Variants in ATG4B observed in about 807,000 individuals in gnomAD.
The protein encoded by ATG4B is autophagy related 4B cysteine peptidase, also known as cysteine protease ATG4B.
In ATG4B, 29 loss-of-function variants were observed where a neutral mutation model predicts 56.6. The ratio of observed to expected loss-of-function variants is 0.51; its 90% CI spans 0.38 to 0.70. The LOEUF (loss-of-function observed/expected upper bound fraction) is 0.70, where lower values mean the gene tolerates loss of function less well. Ranked by LOEUF, ATG4B falls within the 30% of genes least tolerant of loss-of-function variation. The pLI, the probability that ATG4B is intolerant of heterozygous loss-of-function variation, is 0.00. For missense variants in ATG4B, 461 were observed against 515.5 expected (o/e 0.89, Z 1.02); for synonymous variants, 224 against 206.1 (o/e 1.09, Z -0.74).
chr2:241,651,293 T>G lies in ATG4B; in HGVS notation c.142T>G (p.Ser48Ala). Residue 48 changes from serine to alanine, a missense_variant, in exon 3 of 13, where the codon TCT (serine) becomes GCT (alanine). Physicochemically the swap from Ser to Ala is moderately conservative, Grantham distance 99. Transcript: ENST00000404914. This position sits in a 1 kb window ranked among gnomAD's most constrained non-coding sequence, Gnocchi z 4.1. ...GGACGAGATCTTGTCTGATGTGGCA[T>G]CTAGACTTTGGTTTACATACAGGAA... The part of the protein sequence containing the change: ...EKDEILSDVA[S>A]RLWFTYRKNF... 1 of 1,603,490 alleles carries G rather than the reference T, an allele frequency of 6.2e-7. No homozygotes were observed. Among genetic ancestry groups the G allele is most frequent in the Non-Finnish European group, 8.5e-7 (1 of 1,174,534 alleles).
chr2:241,659,373 A>G (rs2068519767), intron 7 of ATG4B, 186 bp downstream of exon 7: 1 of 675,386 alleles, frequency 1.5e-6, no homozygotes, highest in African/African-American at 1.8e-5. Flanking sequence ...CCCGGCGGTC[A>G]TACCAAGAGA....
intron 5 of ATG4B, 97 bp downstream of exon 5, chr2:241,654,744 T>A: frequency 1.0e-6 from 1 of 972,782 alleles, no homozygotes; most frequent in Non-Finnish European, 1.6e-6. Flanking sequence ...TCGTGGGATG[T>A]GGAGCAGGAG....
At chr2:241,670,592 A>T (rs1258783571) in intron 10 of ATG4B, 134 bp from the exon 11 acceptor site, 2 of 856,744 alleles carry the variant, frequency 2.3e-6, no homozygotes, top group Non-Finnish European at 3.8e-6. Flanking sequence ...ACAGGAGCCA[A>T]GGCAGGCTGG....
chr2:241,650,767 G>A (rs532584009), intron 1 of ATG4B, among the ~76,000 whole-genome samples: 14 of 151,960 alleles, frequency 9.2e-5, no homozygotes, highest in African/African-American at 3.4e-4. Context: ...TAGCATGCTG[G>A]CCCCACCTCC....
intron 7 of ATG4B, 49 bp from the exon 8 acceptor site, chr2:241,666,596 A>G: frequency 1.3e-6 from 2 of 1,585,936 alleles, no homozygotes; most frequent in Non-Finnish European, 1.7e-6. Context: ...TTGTGGGAGC[A>G]CTTTTGCACA....
intron 7 of ATG4B, among the ~76,000 whole-genome samples, chr2:241,664,896 G>A (rs908641837): frequency 1.6e-4 from 24 of 152,150 alleles, no homozygotes; most frequent in Admixed American, 5.9e-4. Flanking sequence ...CCCAGAAGGC[G>A]GAGGTTGCAG....
rs1167237922 is a variant in ATG4B at position 241,638,722 on chromosome 2, A to G, written c.10+998A>G. ...GCCAATATCTATTAAAATGATTTGT[A>G]GCAGCTCACCACTTAAATGTGGTAG... On this transcript the variant is annotated intron_variant, in intron 1 of 12. Coordinates refer to ENST00000404914, the MANE Select transcript of ATG4B (RefSeq NM_013325.5). 3.9e-5 allele frequency among the ~76,000 whole-genome samples: 6 copies of G among 152,350 alleles called. No individual in the cohort carries two copies. In the East Asian group the frequency reaches 7.7e-4, roughly 20 times the overall value.
chr2:241,658,167 C>G (rs1166146601), intron 6 of ATG4B, among the ~76,000 whole-genome samples: 2 of 152,180 alleles, frequency 1.3e-5, no homozygotes, highest in Non-Finnish European at 2.9e-5. Context: ...CTGCTGTGTC[C>G]CTTGTGTGTG....
intron 1 of ATG4B, among the ~76,000 whole-genome samples, chr2:241,642,260 A>G (rs894842380): frequency 4.6e-5 from 7 of 151,684 alleles, no homozygotes; most frequent in African/African-American, 4.8e-5. Context: ...AATGTGCGCA[A>G]TCTGCCCAGT....
intron 7 of ATG4B, 77 bp from the exon 8 acceptor site, chr2:241,666,568 T>C (rs1050950803): frequency 6.9e-6 from 10 of 1,454,572 alleles, no homozygotes; most frequent in Admixed American, 3.8e-5. Context: ...TGTTACACAG[T>C]CATCATTTGC....
At chr2:241,659,668 C>T (rs368562761) in intron 7 of ATG4B, 136 of 282,212 alleles carry the variant, frequency 4.8e-4, no homozygotes, top group African/African-American at 2.8e-3. Context: ...ACATTTACAT[C>T]TAGGAGGAAA....
intron 10 of ATG4B, 30 bp from the exon 11 acceptor site, chr2:241,670,696 C>T (rs372026345): frequency 7.4e-5 from 118 of 1,593,096 alleles, no homozygotes; most frequent in African/African-American, 6.3e-4. Flanking sequence ...ATGGGGGTGT[C>T]GTGTTCTGCT....
intron 7 of ATG4B, among the ~76,000 whole-genome samples, chr2:241,664,647 T>C (rs1438620437): frequency 1.3e-5 from 2 of 152,044 alleles, no homozygotes; most frequent in Non-Finnish European, 2.9e-5. Flanking sequence ...GAGACCAACC[T>C]GGACAACTCC....
chr2:241,638,488 C>T (rs1379712691), intron 1 of ATG4B: 3 of 152,072 alleles, frequency 2.0e-5, no homozygotes, highest in Admixed American at 6.5e-5. Context: ...AGCCCAGTAG[C>T]CCTAGAAATA....
intron 4 of ATG4B, 101 bp downstream of exon 4, chr2:241,653,711 G>A: frequency 9.9e-7 from 1 of 1,009,200 alleles, no homozygotes; most frequent in Non-Finnish European, 1.4e-6. Context: ...AGGTAAAACA[G>A]TAAGTAGAAC....
intron 1 of ATG4B, among the ~76,000 whole-genome samples, chr2:241,642,832 AAG>A (rs2067935973): frequency 9.8e-6 from 1 of 101,830 alleles, no homozygotes; most frequent in South Asian, 5.3e-4. Context: ...AACTGCTTCT[AAG>A]GGGGACTCTT....
Position 241,668,593 on chromosome 2 carries a change from A to G in ATG4B, c.865A>G (p.Thr289Ala), listed in dbSNP as rs2068853946. Residue 289 changes from threonine to alanine, a missense_variant, in exon 10 of 13, where the codon ACT becomes GCT. Thr to Ala is a moderately conservative substitution (Grantham distance 58, BLOSUM62 0). Transcript: ENST00000404914. This position sits in a 1 kb window ranked among gnomAD's most constrained non-coding sequence, Gnocchi z 4.2. ...CACCACGCAGCCAGCCGTGGAGCCC[A>G]CTGATGGCTGCTTCATCCCGGACGA... ...PHTTQPAVEP[T>A]DGCFIPDESF... The G allele has an allele frequency of 1.9e-6, 3 of 1,605,690 alleles. No homozygotes were observed. Among genetic ancestry groups the G allele is most frequent in the Non-Finnish European group, 2.5e-6 (3 of 1,177,120 alleles).
At chr2:241,645,671 C>T (rs1396135865) in intron 1 of ATG4B, among the ~76,000 whole-genome samples, 1 of 152,194 alleles carries the variant, frequency 6.6e-6, no homozygotes, top group African/African-American at 2.4e-5. Context: ...CCACAGCTGG[C>T]GCTCCAGCTG....
At chr2:241,657,587 G>A (rs1428441384) in intron 6 of ATG4B, among the ~76,000 whole-genome samples, 1 of 152,220 alleles carries the variant, frequency 6.6e-6, no homozygotes, top group African/African-American at 2.4e-5. Context: ...ACAGGCATGA[G>A]CCACCGCTCC....
Sources: allele counts gnomAD v4.1 joint callset (sites outside exome capture counted in the v4.1 genomes callset), GRCh38; gene constraint gnomAD v4.1.1; non-coding constraint Gnocchi (gnomAD v3.1); transcripts MANE v1.5; gene names NCBI Gene and HGNC (gene_info 2026-07-23, HGNC 2026-07-21).